CNTN5: variants seen among roughly 807,000 people sequenced by gnomAD.
The protein encoded by CNTN5 is contactin 5.
Under a neutral mutation model 129.1 loss-of-function variants are expected in CNTN5, and 77 were observed. That is an observed-to-expected ratio of 0.60 (90% CI 0.50 to 0.72). The LOEUF is 0.72. Ranked by LOEUF, CNTN5 falls within the 30% of genes least tolerant of loss-of-function variation. The pLI, the probability that CNTN5 is intolerant of heterozygous loss-of-function variation, is 0.00. For synonymous variants in CNTN5, 509 were observed against 465.6 expected, an observed-to-expected ratio of 1.09 and a Z score of -1.20; for missense variants, 1,478 against 1,328.8, an observed-to-expected ratio of 1.11 and a Z score of -1.75.
intron 17 of CNTN5, among the ~76,000 whole-genome samples, chr11:100,258,423 A>G (rs1291294265): frequency 1.3e-5 from 2 of 152,196 alleles, no homozygotes; most frequent in Non-Finnish European, 2.9e-5. Flanking sequence ...ATTCAAATTC[A>G]GGAAATAGAG....
At chr11:99,934,505 T>G (rs549359067) in intron 7 of CNTN5, among the ~76,000 whole-genome samples, 34 of 152,318 alleles carry the variant, frequency 2.2e-4, no homozygotes, top group East Asian at 9.7e-4. Flanking sequence ...AAACATTTTC[T>G]AAATTATTCG....
Position 100,062,806 on chromosome 11 carries a change from C to T in CNTN5, c.1162+1413C>T, listed in dbSNP as rs77563797. On this transcript the variant is annotated intron_variant, in intron 10 of 24. Transcript: ENST00000524871. ...GCCATGAATATTTGGATGAAATCCA[C>T]AAAGTTTATAACTGTTCATAATTCA... Among the ~76,000 whole-genome samples the T allele has an allele frequency of 8.1e-3, 1,234 of 152,318 alleles. 13 individuals carry two copies. The highest frequency in any genetic ancestry group is 0.025 in the African/African-American group (1,045 of 41,578).
chr11:99,257,710 T>C (rs1352291370), intron 1 of CNTN5, among the ~76,000 whole-genome samples: 1 of 152,120 alleles, frequency 6.6e-6, no homozygotes, highest in Non-Finnish European at 1.5e-5. Flanking sequence ...TCTTCTAATG[T>C]GTATGTCTTC....
intron 1 of CNTN5, among the ~76,000 whole-genome samples, chr11:99,089,862 G>A (rs915099111): frequency 3.3e-5 from 5 of 152,056 alleles, no homozygotes; most frequent in African/African-American, 1.2e-4. Context: ...GGCATACTCT[G>A]TTTACTTGCA....
chr11:99,897,813 A>G (rs756301489), intron 6 of CNTN5, among the ~76,000 whole-genome samples: 1 of 152,198 alleles, frequency 6.6e-6, no homozygotes, highest in Non-Finnish European at 1.5e-5. Context: ...TCTTGAATCT[A>G]AATGACCTAC....
intron 3 of CNTN5, among the ~76,000 whole-genome samples, chr11:99,618,622 G>C (rs943911532): frequency 6.6e-6 from 1 of 152,076 alleles, no homozygotes; most frequent in African/African-American, 2.4e-5. Context: ...GATTTACTGA[G>C]GAAAACTACA....
intron 2 of CNTN5, among the ~76,000 whole-genome samples, chr11:99,417,372 G>C (rs575085659): frequency 6.6e-6 from 1 of 152,170 alleles, no homozygotes; most frequent in South Asian, 2.1e-4. Flanking sequence ...GGAAGAAATT[G>C]CTAAGTATAA....
chr11:99,926,239 T>C (rs1950059541), intron 7 of CNTN5, among the ~76,000 whole-genome samples: 1 of 152,090 alleles, frequency 6.6e-6, no homozygotes, highest in South Asian at 2.1e-4. Context: ...TTGGCAGAGA[T>C]TAGTTGACAT....
At chr11:99,987,524 AATAT>A (rs10674388) in intron 8 of CNTN5, among the ~76,000 whole-genome samples, 46,543 of 141,252 alleles carry the variant, frequency 0.33, 7,963 homozygotes, top group African/African-American at 0.46. Context: ...TGTATTTATG[AATAT>A]ATATATATAT....
intron 15 of CNTN5, among the ~76,000 whole-genome samples, chr11:100,218,929 G>C (rs1460301307): frequency 6.6e-6 from 1 of 152,192 alleles, no homozygotes; most frequent in African/African-American, 2.4e-5. Flanking sequence ...TGGCATAGCA[G>C]ATGGATAAGC....
At chr11:99,787,164 C>T (rs1055889957) in intron 3 of CNTN5, among the ~76,000 whole-genome samples, 1 of 150,456 alleles carries the variant, frequency 6.6e-6, no homozygotes, top group Admixed American at 6.6e-5. Flanking sequence ...TGTGCACCTG[C>T]ACGTTTTGGC....
intron 18 of CNTN5, among the ~76,000 whole-genome samples, chr11:100,280,824 C>T (rs1950619957): frequency 6.6e-6 from 1 of 151,906 alleles, no homozygotes; most frequent in Non-Finnish European, 1.5e-5. Context: ...GTGTAATTTT[C>T]ATTTTTTGTG....
chr11:99,669,420 C>A (rs1364098579), intron 3 of CNTN5, among the ~76,000 whole-genome samples: 2 of 150,536 alleles, frequency 1.3e-5, no homozygotes, highest in South Asian at 4.2e-4. Flanking sequence ...TTCTTGACTA[C>A]CTTTTCCAGC....
At chr11:99,391,471 AG>A (rs1565543981) in intron 2 of CNTN5, among the ~76,000 whole-genome samples, 2 of 152,164 alleles carry the variant, frequency 1.3e-5, no homozygotes, top group Non-Finnish European at 2.9e-5. Flanking sequence ...GCTGTCATAT[AG>A]TAGCTAAGAT....
chr11:99,911,194 A>T (rs1326732187), intron 6 of CNTN5, among the ~76,000 whole-genome samples: 2 of 152,074 alleles, frequency 1.3e-5, no homozygotes, highest in Non-Finnish European at 2.9e-5. Context: ...TCTCAATTTT[A>T]TAAAAAATTT....
At chr11:99,884,137 T>TTCAGAAATTCTATATAGACC (rs1948839245) in intron 6 of CNTN5, among the ~76,000 whole-genome samples, 1 of 152,168 alleles carries the variant, frequency 6.6e-6, no homozygotes, top group Non-Finnish European at 1.5e-5. Context: ...TGAATCTATA[T>TTCAGAAATTCTATATAGACC]TCAGAAATTC....
intron 3 of CNTN5, among the ~76,000 whole-genome samples, chr11:99,770,312 CATTCTT>C (rs1227976321): frequency 2.6e-5 from 4 of 151,992 alleles, no homozygotes; most frequent in African/African-American, 9.7e-5. Context: ...AAAGAAGTCT[CATTCTT>C]ATATCTGTTC....
At chr11:100,308,254 C>G in intron 20 of CNTN5, 105 bp from the exon 21 acceptor site, 1 of 995,222 alleles carries the variant, frequency 1.0e-6, no homozygotes, top group Non-Finnish European at 1.5e-6. Context: ...CACAGCACTT[C>G]ATTTCAAAAA....
chr11:99,883,803 A>T (rs1285003562), intron 6 of CNTN5, among the ~76,000 whole-genome samples: 1 of 152,206 alleles, frequency 6.6e-6, no homozygotes, highest in Non-Finnish European at 1.5e-5. Context: ...AGCTTTCTTT[A>T]AGAACAGCAT....
Sources: gnomAD v4.1 joint callset for allele counts (sites outside exome capture counted in the v4.1 genomes callset) on GRCh38, gnomAD v4.1.1 for gene constraint, MANE v1.5 for transcripts, NCBI Gene and HGNC (gene_info 2026-07-23, HGNC 2026-07-21) for gene names.